The following RGPD3 variants were observed in gnomAD, a reference collection of about 807,000 sequenced individuals.
The protein encoded by RGPD3 is RANBP2 like and GRIP domain containing 3.
A neutral mutation model predicts 154.5 loss-of-function variants in RGPD3; 62 were observed. The ratio of observed to expected loss-of-function variants is 0.40; its 90% CI spans 0.33 to 0.50. The LOEUF is 0.50. Ranked by LOEUF, RGPD3 falls within the 20% of genes least tolerant of loss-of-function variation. The probability of loss-of-function intolerance (pLI) is 0.59; values close to 1 mark genes in which losing one functional copy is unlikely to be tolerated. For synonymous variants in RGPD3, 308 were observed against 607.0 expected (o/e 0.51, Z 7.24); for missense variants, 919 against 1,716.8 (o/e 0.54, Z 8.21).
At chr2:106,446,599 C>T (rs1432957304) in intron 7 of RGPD3, among the ~76,000 whole-genome samples, 6 of 119,690 alleles carry the variant, frequency 5.0e-5, no homozygotes, top group Admixed American at 9.1e-5. Context: ...AAAGGCCAGG[C>T]GCGCCAGGCG....
chr2:106,426,098 A>G lies in RGPD3; in HGVS notation c.2606-10T>C, dbSNP rs531712393. On this transcript the variant is annotated splice_polypyrimidine_tract_variant and intron_variant, in intron 18 of 22. Transcript: ENST00000409886. ...GGGCCAGTAGTTGCAACTAAAAAAA[A>G]AAAAGAAAAGAAAGAAAACACTGTT... 3.4e-5 allele frequency: 55 copies of G among 1,595,002 alleles called. No individual in the cohort carries two copies. In the East Asian group the frequency reaches 1.1e-3, roughly 31 times the overall value.
rs1455007092 is a variant in RGPD3 at position 106,430,378 on chromosome 2, C to T, written c.2470-597G>A. 2.3e-5 allele frequency among the ~76,000 whole-genome samples: 2 copies of T among 85,580 alleles called. 1 individual carries two copies. The highest frequency in any genetic ancestry group is 5.2e-5 in the Non-Finnish European group (2 of 38,712). 56.1% of individuals were successfully genotyped at this position (85,580 alleles called of 152,430 possible). On this transcript the variant is annotated intron_variant, in intron 17 of 22. Transcript: ENST00000409886. ...ACCTTCATTTCCATTCTACACTTGC[C>T]TACATTAACCTGACGTTCACCTCCA...
At chr2:106,466,055 G>C (rs1020191048) in intron 1 of RGPD3, among the ~76,000 whole-genome samples, 2 of 151,852 alleles carry the variant, frequency 1.3e-5, no homozygotes, top group African/African-American at 4.8e-5. Flanking sequence ...GAAGAAACCC[G>C]CCGATACAGC....
At chr2:106,415,058 G>A (rs916433167) in intron 21 of RGPD3, among the ~76,000 whole-genome samples, 2 of 151,906 alleles carry the variant, frequency 1.3e-5, no homozygotes, top group African/African-American at 4.8e-5. Flanking sequence ...TGATTTATCA[G>A]TGAGCCAGGG....
intron 8 of RGPD3, among the ~76,000 whole-genome samples, chr2:106,439,930 C>A (rs1409041354): frequency 8.2e-6 from 1 of 122,026 alleles, no homozygotes; most frequent in Non-Finnish European, 1.8e-5. Context: ...CATAGGTTTA[C>A]AGTAAGCAAT....
chr2:106,443,729 GGCTGCAGT>G lies in RGPD3; in HGVS notation c.979-2357_979-2350del, dbSNP rs1180503849. ...GAGATGGAGTCTCGCTCTGTTGCCA[GGCTGCAGT>G]GCTGCAGTGCTGCAGTGGCACGATC... is the stretch of plus-strand genomic sequence containing the variant. On this transcript the variant is annotated intron_variant, in intron 7 of 22. Coordinates refer to ENST00000409886, the MANE Select transcript of RGPD3 (RefSeq NM_001144013.2). Among the ~76,000 whole-genome samples, 24 of 118,302 alleles carry G rather than the reference GGCTGCAGT, an allele frequency of 2.0e-4. No individual in the cohort carries two copies. The East Asian group carries it at 4.2e-3, about 21-fold the overall frequency. The allele number at this position is 118,302 out of a possible 152,430, so 77.6% of individuals were successfully genotyped here.
At chr2:106,405,265 A>G (rs754065458) in intron 22 of RGPD3, 36 bp from the exon 23 acceptor site, 7 of 1,599,658 alleles carry the variant, frequency 4.4e-6, no homozygotes. Context: ...GAAAAAAGAG[A>G]GTATTAAAAT....
chr2:106,412,023 C>G (rs1291402092), intron 22 of RGPD3, among the ~76,000 whole-genome samples: 2 of 147,496 alleles, frequency 1.4e-5, no homozygotes, highest in Non-Finnish European at 1.5e-5. Context: ...AAGTCTCTAA[C>G]TCTCCCCTAT....
intron 6 of RGPD3, among the ~76,000 whole-genome samples, chr2:106,448,326 G>A (rs1365887306): frequency 1.3e-5 from 2 of 152,186 alleles, no homozygotes; most frequent in African/African-American, 2.4e-5. Flanking sequence ...TGGCCAGGCT[G>A]GTCTCGAACT....
intron 22 of RGPD3, 109 bp from the exon 23 acceptor site, chr2:106,405,338 A>G: frequency 8.7e-7 from 1 of 1,144,296 alleles, no homozygotes; most frequent in Non-Finnish European, 1.2e-6. Flanking sequence ...TGTCTTTTTT[A>G]CTGATCACAT....
chr2:106,470,221 A>G (rs1678780386), upstream of RGPD3, among the ~76,000 whole-genome samples: 1 of 152,248 alleles, frequency 6.6e-6, no homozygotes, highest in Non-Finnish European at 1.5e-5. Flanking sequence ...TTGTACTTTT[A>G]TAAGTATTTA....
rs773169599 is a variant in RGPD3, at chr2:106,405,231, T to A, written c.5267-2A>T. 2 of 1,606,982 alleles carry A rather than the reference T, an allele frequency of 1.2e-6. No individual in the cohort carries two copies. The highest frequency in any genetic ancestry group is 4.5e-5 in the East Asian group (2 of 44,804). ...AACGGGAAGCATTTTATTCCTCACC[T>A]TTGGAAAGTAAAACAAAAAAAAAGA... On this transcript the variant is annotated splice_acceptor_variant, in intron 22 of 22. Coordinates refer to ENST00000409886, the MANE Select transcript of RGPD3 (RefSeq NM_001144013.2). LOFTEE classifies it high-confidence loss of function.
At chr2:106,425,914 C>T in intron 19 of RGPD3, 80 bp downstream of exon 19, 2 of 1,227,926 alleles carry the variant, frequency 1.6e-6, no homozygotes, top group Non-Finnish European at 2.1e-6. Context: ...TAGTGAACTG[C>T]TCTCTTGAAT....
rs780847939 is a variant in RGPD3, at chr2:106,468,310, G to A, written c.-22C>T. 18 of 1,594,680 alleles carry A rather than the reference G, an allele frequency of 1.1e-5. No individual in the cohort carries two copies. The highest frequency in any genetic ancestry group is 9.1e-5 in the East Asian group (4 of 44,112). On this transcript the variant is annotated 5_prime_UTR_variant, in exon 1 of 23. Transcript: ENST00000409886. ...TCATCGCGCCACCAACCTGGCTCCC[G>A]AGATGCGTGAGACCAGCGCTCAGCC...
chr2:106,433,036 A>G lies in RGPD3; in HGVS notation c.2386-18T>C, dbSNP rs1677416086. The G allele has an allele frequency of 1.9e-6, 3 of 1,610,940 alleles. No homozygotes were observed. The highest frequency in any genetic ancestry group is 1.3e-5 in the African/African-American group (1 of 74,608). ...GGAGAATACTAAAAAAAAAATAAAA[A>G]TAACAAAAGAGCATTTAAAACACTT... On this transcript the variant is annotated intron_variant, in intron 16 of 22. Coordinates refer to ENST00000409886, the MANE Select transcript of RGPD3 (RefSeq NM_001144013.2).
chr2:106,446,768 G>C (rs1278264855), intron 7 of RGPD3, among the ~76,000 whole-genome samples: 1 of 151,492 alleles, frequency 6.6e-6, no homozygotes, highest in African/African-American at 2.4e-5. Flanking sequence ...TGTAGTCCCA[G>C]CTACTCGGGA....
chr2:106,460,337 A>T (rs182230807), intron 1 of RGPD3, among the ~76,000 whole-genome samples: 2 of 151,876 alleles, frequency 1.3e-5, no homozygotes, highest in South Asian at 4.1e-4. Flanking sequence ...CATGTGTAAA[A>T]GCCTCTATGG....
chr2:106,426,990 C>T (rs1248567548), intron 18 of RGPD3, among the ~76,000 whole-genome samples: 3 of 151,360 alleles, frequency 2.0e-5, no homozygotes, highest in Non-Finnish European at 4.4e-5. Context: ...AACAACCTGA[C>T]AGAAATGGCC....
At chr2:106,448,781 C>A (rs1678012135) in intron 6 of RGPD3, among the ~76,000 whole-genome samples, 1 of 151,966 alleles carries the variant, frequency 6.6e-6, no homozygotes, top group African/African-American at 2.4e-5. Context: ...ACCTCTGACT[C>A]CCAGGTTCAA....
Sources: gnomAD v4.1 joint callset for allele counts (sites outside exome capture counted in the v4.1 genomes callset) on GRCh38, gnomAD v4.1.1 for gene constraint, MANE v1.5 for transcripts, NCBI Gene and HGNC (gene_info 2026-07-23, HGNC 2026-07-21) for gene names.